The following BROX variants were observed in gnomAD, a reference collection of about 807,000 sequenced individuals.
The protein encoded by BROX is BRO1 domain-containing protein BROX.
BROX carries 53 observed loss-of-function variants against 61.0 expected under a neutral mutation model. The ratio of observed to expected loss-of-function variants is 0.87; its 90% CI spans 0.70 to 1.09. The LOEUF (loss-of-function observed/expected upper bound fraction) is 1.09, where lower values mean the gene tolerates loss of function less well. Ranked by LOEUF, BROX falls within the 50% of genes least tolerant of loss-of-function variation. The pLI is 0.00. For missense variants in BROX, 489 were observed against 472.0 expected, an observed-to-expected ratio of 1.04 and a Z score of -0.33; for synonymous variants, 152 against 160.2, an observed-to-expected ratio of 0.95 and a Z score of 0.38.
intron 5 of BROX, among the ~76,000 whole-genome samples, chr1:222,722,785 A>T (rs1657193203): frequency 6.6e-6 from 1 of 152,232 alleles, no homozygotes; most frequent in East Asian, 1.9e-4. Context: ...ACATCAAAGG[A>T]CCGTAAACAA....
intron 3 of BROX, 25 bp downstream of exon 3, chr1:222,719,056 G>A (rs769820232): frequency 1.9e-6 from 3 of 1,575,458 alleles, no homozygotes; most frequent in Non-Finnish European, 2.6e-6. Context: ...TGAACTTGAG[G>A]TTTTTTAAAA....
At chr1:222,725,851 T>TA (rs1187359751) in intron 7 of BROX, among the ~76,000 whole-genome samples, 1 of 152,172 alleles carries the variant, frequency 6.6e-6, no homozygotes, top group African/African-American at 2.4e-5. Context: ...GTCAAAGCTG[T>TA]AGTAAGGCAA....
Position 222,715,801 on chromosome 1 carries a change from G to A in BROX, c.101+1G>A, listed in dbSNP as rs1349811757. 1.3e-6 allele frequency: 2 copies of A among 1,571,924 alleles called. No individual in the cohort carries two copies. The highest frequency in any genetic ancestry group is 1.7e-6 in the Non-Finnish European group (2 of 1,153,090). On this transcript the variant is annotated splice_donor_variant, in intron 2 of 12. Transcript: ENST00000340934. LOFTEE classifies it high-confidence loss of function. ...GCCCTTCTGCTTCAAAAATATGCAA[G>A]TAAGTTTATTGATTGAACCACTCTT...
Position 222,731,354 on chromosome 1 carries a change from C to T in BROX, c.990-3C>T, listed in dbSNP as rs372662924. The T allele has an allele frequency of 8.4e-6, 13 of 1,556,250 alleles. No homozygotes were observed. The highest frequency in any genetic ancestry group is 1.4e-5 in the African/African-American group (1 of 71,278). ...GAATTGCTATTTAAATTATTTTTTG[C>T]AGTTACTTTCAAAAAATTCCAACAG... On this transcript the variant is annotated splice_polypyrimidine_tract_variant and splice_region_variant and intron_variant, in intron 11 of 12. Coordinates refer to ENST00000340934, the MANE Select transcript of BROX (RefSeq NM_144695.4).
chr1:222,731,275 T>A, intron 11 of BROX, 82 bp from the exon 12 acceptor site: 1 of 1,195,024 alleles, frequency 8.4e-7, no homozygotes, highest in Non-Finnish European at 1.1e-6. Flanking sequence ...AAATTGTCAT[T>A]GTCCCAAACA....
chr1:222,731,560 A>G, intron 12 of BROX, 44 bp downstream of exon 12: 1 of 1,553,866 alleles, frequency 6.4e-7, no homozygotes, highest in Non-Finnish European at 8.7e-7. Context: ...ACAAAAGTTT[A>G]AAAGAAAATT....
intron 4 of BROX, among the ~76,000 whole-genome samples, chr1:222,720,493 C>G (rs999025000): frequency 6.6e-6 from 1 of 152,010 alleles, no homozygotes; most frequent in Admixed American, 6.6e-5. Flanking sequence ...ATTTTTCCGA[C>G]CATGCAACAT....
At chr1:222,721,413 C>CA (rs1657093531) in intron 4 of BROX, among the ~76,000 whole-genome samples, 1 of 148,644 alleles carries the variant, frequency 6.7e-6, no homozygotes, top group Non-Finnish European at 1.5e-5. Context: ...GCCATATCTC[C>CA]ATTTATCTTA....
chr1:222,718,081 A>C (rs993347672), intron 2 of BROX: 2 of 152,204 alleles, frequency 1.3e-5, no homozygotes, highest in African/African-American at 4.8e-5. Context: ...ATATAGTTGA[A>C]GCTATACTAA....
In BROX at chr1:222,718,994, G is replaced by A; in HGVS notation, c.171G>A (p.Met57Ile). ...FTDLSCNPEM[M>I]KNAADSYFSL... ...ATTTGAGCTGTAATCCAGAAATGAT[G>A]AAGAATGCAGCAGATTCATATTTCT... Residue 57 changes from methionine to isoleucine, a missense_variant, in exon 3 of 13, where the codon ATG becomes ATA. Met to Ile is a conservative substitution (Grantham distance 10). Transcript: ENST00000340934. 1.2e-6 allele frequency: 2 copies of A among 1,613,782 alleles called. No homozygotes were observed. The highest frequency in any genetic ancestry group is 1.7e-6 in the Non-Finnish European group (2 of 1,179,846).
rs1039947899 is a variant in BROX, at chr1:222,731,571, CAG to C, written c.1149+58_1149+59del. ...ATTCACAAAAGTTTAAAAGAAAATTCAGAGTTAGCATTTTGATATTTTTCTCT... is the reference window on the plus strand; with the variant it reads ...ATTCACAAAAGTTTAAAAGAAAATTCAGTTAGCATTTTGATATTTTTCTCT... On this transcript the variant is annotated intron_variant, in intron 12 of 12. Coordinates refer to ENST00000340934, the MANE Select transcript of BROX (RefSeq NM_144695.4). 16 of 1,522,250 alleles carry C rather than the reference CAG, an allele frequency of 1.1e-5. No homozygotes were observed. In the African/African-American group the frequency reaches 1.6e-4, roughly 15 times the overall value. 94.3% of individuals were successfully genotyped at this position (1,522,250 alleles called of 1,614,324 possible). A position where few individuals can be genotyped will look rare whatever the true frequency, so the allele number is the denominator to read the frequency against.
intron 7 of BROX, among the ~76,000 whole-genome samples, chr1:222,725,826 G>C (rs115993727): frequency 2.4e-4 from 36 of 152,112 alleles, no homozygotes; most frequent in Non-Finnish European, 4.7e-4. Flanking sequence ...GGGAAGGATC[G>C]CTGGAGCCTG....
chr1:222,733,057 CTTTTTCTTTTTTTTTTTTCTTTTT>C lies in BROX; in HGVS notation c.*349_*372del, dbSNP rs1658057628. 2 of 104,546 alleles carry C rather than the reference CTTTTTCTTTTTTTTTTTTCTTTTT, an allele frequency of 1.9e-5. No individual in the cohort carries two copies. The highest frequency in any genetic ancestry group is 7.6e-5 in the African/African-American group (2 of 26,200). The allele number at this position is 104,546 out of a possible 1,614,324, so 6.5% of individuals were successfully genotyped here. ...GGTTTCAGGTATGTTTTTCTTTTTTCTTTTTCTTTTTTTTTTTTCTTTTTTTTTTTTTTTTTTTTTGAGGTGGAG... is the reference window on the plus strand; with the variant it reads ...GGTTTCAGGTATGTTTTTCTTTTTTCTTTTTTTTTTTTTTTTGAGGTGGAG... On this transcript the variant is annotated 3_prime_UTR_variant, in exon 13 of 13. Coordinates refer to ENST00000340934, the MANE Select transcript of BROX (RefSeq NM_144695.4).
rs2125007984 is a variant in BROX at position 222,719,349 on chromosome 1, C to T, written c.295C>T (p.Gln99Ter). The change falls in exon 4 of 13, where the codon CAG becomes TAG. Residue 99 changes from glutamine to a stop codon, truncating the protein, a stop_gained. Transcript: ENST00000340934. LOFTEE classifies it high-confidence loss of function. ...CAAGTGGACTGATACATTGCAAGGA[C>T]AGGTTCCAAGGTAAGCAACACTAAA... ...NFKWTDTLQG[Q>*]VPSAQQDAVF... 6.2e-7 allele frequency: 1 copy of T among 1,606,092 alleles called. No homozygotes were observed. The highest frequency in any genetic ancestry group is 1.1e-5 in the South Asian group (1 of 90,838).
intron 11 of BROX, among the ~76,000 whole-genome samples, chr1:222,730,742 C>G (rs1277231688): frequency 6.6e-6 from 1 of 152,096 alleles, no homozygotes; most frequent in East Asian, 1.9e-4. Context: ...GTAGAGTTAA[C>G]TTCATTAGGA....
In BROX at chr1:222,735,176, T is replaced by A. The variant is rs1658202758; in HGVS notation, c.*2462T>A. ...TTTTTATTTATGAAAATAAAAGTAA[T>A]TTTACTTACAATTTCATTGAGATCT... On this transcript the variant is annotated 3_prime_UTR_variant, in exon 13 of 13. Coordinates refer to ENST00000340934, the MANE Select transcript of BROX (RefSeq NM_144695.4). The A allele has an allele frequency of 6.6e-6, 1 of 152,226 alleles. No individual in the cohort carries two copies. The allele number at this position is 152,226 out of a possible 1,614,324, so 9.4% of individuals were successfully genotyped here. A position where few individuals can be genotyped will look rare whatever the true frequency, so the allele number is the denominator to read the frequency against.
At chr1:222,721,207 T>C (rs1657075038) in intron 4 of BROX, among the ~76,000 whole-genome samples, 1 of 152,208 alleles carries the variant, frequency 6.6e-6, no homozygotes, top group African/African-American at 2.4e-5. Flanking sequence ...ATTCATTTGA[T>C]AGTTTCAGTG....
At chr1:222,716,626 C>T (rs1656641587) in intron 2 of BROX, among the ~76,000 whole-genome samples, 1 of 152,148 alleles carries the variant, frequency 6.6e-6, no homozygotes, top group Admixed American at 6.5e-5. Flanking sequence ...CAGCCAGCCC[C>T]ACATTTATTG....
In BROX at chr1:222,724,080, C is replaced by T. The variant is rs781063944; in HGVS notation, c.402-12C>T. The T allele has an allele frequency of 2.5e-6, 4 of 1,589,822 alleles. No homozygotes were observed. The highest frequency in any genetic ancestry group is 3.4e-6 in the Non-Finnish European group (4 of 1,164,678). On this transcript the variant is annotated splice_polypyrimidine_tract_variant and intron_variant, in intron 5 of 12. Coordinates refer to ENST00000340934, the MANE Select transcript of BROX (RefSeq NM_144695.4). ...AATTCATCCTCTAACTAATGTAACCCCTATCTTTAAGTATAACAGAAGATG... is the reference window on the plus strand; with the variant it reads ...AATTCATCCTCTAACTAATGTAACCTCTATCTTTAAGTATAACAGAAGATG...
Sources: gnomAD v4.1 joint callset for allele counts (sites outside exome capture counted in the v4.1 genomes callset) on GRCh38, gnomAD v4.1.1 for gene constraint, MANE v1.5 for transcripts, NCBI Gene and HGNC (gene_info 2026-07-23, HGNC 2026-07-21) for gene names.